FBLN7: variants seen among roughly 807,000 people sequenced by gnomAD.
The protein encoded by FBLN7 is fibulin-7.
Under a neutral mutation model 44.0 loss-of-function variants are expected in FBLN7, and 31 were observed. That is an observed-to-expected ratio of 0.70 (90% CI 0.53 to 0.95). The LOEUF (loss-of-function observed/expected upper bound fraction) is 0.95. Among genes scored for constraint, FBLN7 ranks in the 40% least tolerant of loss-of-function variants. The pLI is 0.00. For missense variants in FBLN7, 573 were observed against 618.5 expected (o/e 0.93, Z 0.78); for synonymous variants, 262 against 253.4 (o/e 1.03, Z -0.32).
rs765378223 is a variant in FBLN7, at chr2:112,159,757, G to A, written c.157G>A (p.Glu53Lys). 6.9e-6 allele frequency: 11 copies of A among 1,604,826 alleles called. 1 individual carries two copies. Among genetic ancestry groups the A allele is most frequent in the South Asian group, 3.3e-5 (3 of 89,712 alleles). Residue 53 changes from glutamate (E) to lysine (K), a missense_variant, in exon 2 of 8, where the codon GAG (glutamate) becomes AAG (lysine). Physicochemically the swap from Glu to Lys is moderately conservative, Grantham distance 56. Transcript: ENST00000331203. ...LLKGQETRFAEGIRHMKSRLA... is the reference protein window; with the variant it reads ...LLKGQETRFAKGIRHMKSRLA... Reference sequence around the variant, plus strand: ...GAAGGGCCAGGAGACACGCTTCGCCGAGGGCATCCGCCACATGAAGAGCCG... The same window carrying A: ...GAAGGGCCAGGAGACACGCTTCGCCAAGGGCATCCGCCACATGAAGAGCCG...
intron 3 of FBLN7, among the ~76,000 whole-genome samples, chr2:112,167,842 G>C (rs1682239240): frequency 3.6e-5 from 3 of 84,346 alleles, no homozygotes; most frequent in African/African-American, 1.3e-4. Context: ...ACAGATGTAT[G>C]TGTGTCATCT....
chr2:112,141,313 A>C (rs1449527988), intron 1 of FBLN7, among the ~76,000 whole-genome samples: 2 of 152,222 alleles, frequency 1.3e-5, no homozygotes, highest in African/African-American at 4.8e-5. Flanking sequence ...GAATAAACCC[A>C]GTCTCTCTTG....
At chr2:112,221,330 A>G in the FBLN7 span, among the ~76,000 whole-genome samples, 1 of 151,846 alleles carries the variant, frequency 6.6e-6, no homozygotes, top group South Asian at 2.1e-4. Context: ...TGGTTGTTTA[A>G]AAGTGTGTAG....
chr2:112,236,621 G>T, the FBLN7 span: 44 of 1,613,814 alleles, frequency 2.7e-5, no homozygotes, highest in Non-Finnish European at 3.4e-5. Context: ...CCAGGGCCAG[G>T]CCATTTTCGC....
At chr2:112,186,333 T>C (rs542985431) in intron 7 of FBLN7, among the ~76,000 whole-genome samples, 1 of 152,330 alleles carries the variant, frequency 6.6e-6, no homozygotes, top group Admixed American at 6.5e-5. Flanking sequence ...AAAACAGGGC[T>C]TCCTGCGTTG....
intron 4 of FBLN7, among the ~76,000 whole-genome samples, chr2:112,179,141 G>C (rs868325812): frequency 4.6e-5 from 7 of 152,176 alleles, no homozygotes; most frequent in African/African-American, 1.7e-4. Flanking sequence ...CAGCAAAGTT[G>C]CAGGATACAA....
chr2:112,173,892 A>G (rs1682601514), intron 3 of FBLN7, among the ~76,000 whole-genome samples: 1 of 152,244 alleles, frequency 6.6e-6, no homozygotes. Flanking sequence ...CTGTCTAGAA[A>G]TGAATACACT....
downstream of FBLN7, chr2:112,188,745 A>G (rs1373809152): frequency 6.6e-6 from 1 of 152,228 alleles, no homozygotes; most frequent in African/African-American, 2.4e-5. Flanking sequence ...CCCTACATCA[A>G]GATGGTTTCT....
chr2:112,157,059 A>T (rs1265303606), intron 1 of FBLN7, among the ~76,000 whole-genome samples: 1 of 152,246 alleles, frequency 6.6e-6, no homozygotes, highest in South Asian at 2.1e-4. Flanking sequence ...CTCAGTAGAA[A>T]AAAAATTAAG....
chr2:112,224,207 A>ATT, the FBLN7 span, among the ~76,000 whole-genome samples: 2 of 152,250 alleles, frequency 1.3e-5, no homozygotes, highest in African/African-American at 4.8e-5. Flanking sequence ...ATATTTAAAA[A>ATT]TTTAGTTTAT....
chr2:112,233,162 T>C, the FBLN7 span: 1 of 698,506 alleles, frequency 1.4e-6, no homozygotes. Flanking sequence ...TAATATCATT[T>C]TGGTATACCT....
chr2:112,238,286 T>C, the FBLN7 span: 1 of 1,603,028 alleles, frequency 6.2e-7, no homozygotes. Context: ...CTAGATAAAC[T>C]TTAAATGATA....
chr2:112,199,560 C>G, the FBLN7 span, among the ~76,000 whole-genome samples: 1 of 152,206 alleles, frequency 6.6e-6, no homozygotes, highest in Non-Finnish European at 1.5e-5. Flanking sequence ...TTTACAAAAT[C>G]TCACCCATCC....
intron 3 of FBLN7, among the ~76,000 whole-genome samples, chr2:112,174,905 AT>A (rs1028253249): frequency 2.6e-5 from 4 of 151,664 alleles, no homozygotes; most frequent in African/African-American, 7.3e-5. Context: ...TAAAACAATC[AT>A]TTTTTTTCTA....
chr2:112,171,872 G>A (rs1224613796), intron 3 of FBLN7, among the ~76,000 whole-genome samples: 4 of 151,836 alleles, frequency 2.6e-5, no homozygotes, highest in Admixed American at 6.6e-5. Context: ...TCAGCCTCCC[G>A]AGTAGCTGGG....
chr2:112,185,121 G>A (rs1403779738), intron 6 of FBLN7, 80 bp from the exon 7 acceptor site: 2 of 1,546,636 alleles, frequency 1.3e-6, no homozygotes, highest in Non-Finnish European at 1.8e-6. Context: ...TACAGGACCT[G>A]CAGGGCCTCT....
chr2:112,209,747 C>G, the FBLN7 span, among the ~76,000 whole-genome samples: 1 of 152,196 alleles, frequency 6.6e-6, no homozygotes, highest in Admixed American at 6.5e-5. Context: ...AGGGAAGATG[C>G]ATGTCTTCAC....
intron 4 of FBLN7, chr2:112,176,110 A>G (rs891700293): frequency 3.6e-6 from 1 of 274,920 alleles, no homozygotes; most frequent in African/African-American, 2.2e-5. Context: ...AATCCCCTAG[A>G]TTGGGAATGT....
chr2:112,187,374 G>A lies in FBLN7; in HGVS notation c.1188G>A (p.Leu396=). The change falls in exon 8 of 8, where the codon CTG becomes CTA. Residue 396 remains leucine (L), a synonymous_variant. Coordinates refer to ENST00000331203, the MANE Select transcript of FBLN7 (RefSeq NM_153214.3). The surrounding 1 kb of genome is among the most constrained non-coding windows in gnomAD (Gnocchi z 5.1). ...GTTCAGACCGGCAGACTGGGGATCT[G>A]ATCCTTGTGCAGAACCTGGAGGGGC... ...MQRSDRQTGD[L]ILVQNLEGPQ... 6.2e-7 allele frequency: 1 copy of A among 1,614,196 alleles called. No homozygotes were observed. The highest frequency in any genetic ancestry group is 1.3e-5 in the African/African-American group (1 of 75,046).
Sources: gnomAD v4.1 joint callset for allele counts (sites outside exome capture counted in the v4.1 genomes callset) on GRCh38, gnomAD v4.1.1 for gene constraint, Gnocchi (gnomAD v3.1) non-coding constraint, MANE v1.5 for transcripts, NCBI Gene and HGNC (gene_info 2026-07-23, HGNC 2026-07-21) for gene names.